Variants in FBXL7 observed in about 807,000 individuals in gnomAD.
FBXL7 encodes F-box and leucine rich repeat protein 7.
A neutral mutation model predicts 38.3 loss-of-function variants in FBXL7; 12 were observed. The ratio of observed to expected loss-of-function variants is 0.31; its 90% CI spans 0.20 to 0.51. FBXL7 has a LOEUF of 0.51. Among genes scored for constraint, FBXL7 ranks in the 20% least tolerant of loss-of-function variants. The pLI is 0.98. For missense variants in FBXL7, 567 were observed against 676.4 expected, an observed-to-expected ratio of 0.84 and a Z score of 1.79; for synonymous variants, 297 against 300.9, an observed-to-expected ratio of 0.99 and a Z score of 0.13.
chr5:15,633,984 T>C (rs1180651303), intron 2 of FBXL7, among the ~76,000 whole-genome samples: 1 of 151,740 alleles, frequency 6.6e-6, no homozygotes, highest in Non-Finnish European at 1.5e-5. Flanking sequence ...TTTTACCATG[T>C]TGGCCAGGCT....
intron 2 of FBXL7, among the ~76,000 whole-genome samples, chr5:15,642,286 A>G (rs1035702839): frequency 7.2e-5 from 11 of 152,132 alleles, no homozygotes; most frequent in African/African-American, 2.7e-4. Flanking sequence ...TCTGTTTGTT[A>G]CAAAACTGAG....
chr5:15,873,394 A>C (rs1740054048), intron 2 of FBXL7, among the ~76,000 whole-genome samples: 1 of 152,106 alleles, frequency 6.6e-6, no homozygotes, highest in African/African-American at 2.4e-5. Flanking sequence ...CCAGCAGAAG[A>C]CAAGAAATAA....
intron 2 of FBXL7, among the ~76,000 whole-genome samples, chr5:15,709,539 AAG>A (rs1743795561): frequency 6.6e-6 from 1 of 150,704 alleles, no homozygotes; most frequent in Non-Finnish European, 1.5e-5. Flanking sequence ...GTCTCAAAAA[AAG>A]AAAAAAAAAA....
chr5:15,797,350 A>T (rs1206595318), intron 2 of FBXL7, among the ~76,000 whole-genome samples: 1 of 152,274 alleles, frequency 6.6e-6, no homozygotes, highest in East Asian at 1.9e-4. Context: ...GTCTCTCTAT[A>T]TAAACATGTG....
At chr5:15,906,504 C>G (rs1741368701) in intron 2 of FBXL7, among the ~76,000 whole-genome samples, 1 of 139,668 alleles carries the variant, frequency 7.2e-6, no homozygotes, top group African/African-American at 3.1e-5. Flanking sequence ...TGTTCAGGAT[C>G]CACAAAAAAT....
chr5:15,936,952 G>A lies in FBXL7; in HGVS notation c.1242G>A (p.Leu414=). 6.2e-6 allele frequency: 10 copies of A among 1,614,054 alleles called. No individual in the cohort carries two copies. The highest frequency in any genetic ancestry group is 8.5e-6 in the Non-Finnish European group (10 of 1,179,896). ...LKSLDIGKCP[L]VSDTGLECLA... is the part of the protein sequence containing the mutation. ...CCCTGGATATCGGCAAATGCCCTTT[G>A]GTATCCGACACGGGCCTGGAGTGCC... The change falls in exon 4 of 4, where the codon TTG becomes TTA. Residue 414 remains leucine, a synonymous_variant. Transcript: ENST00000504595. The surrounding 1 kb of genome is among the most constrained non-coding windows in gnomAD (Gnocchi z 6.0).
At chr5:15,564,728 G>C (rs529838575) in intron 1 of FBXL7, among the ~76,000 whole-genome samples, 3 of 152,032 alleles carry the variant, frequency 2.0e-5, no homozygotes, top group Admixed American at 2.0e-4. Context: ...TTTCAGGAAG[G>C]TTTCCGACAC....
chr5:15,664,256 T>G (rs1486703651), intron 2 of FBXL7, among the ~76,000 whole-genome samples: 1 of 152,116 alleles, frequency 6.6e-6, no homozygotes. Flanking sequence ...CACGCATTTT[T>G]CTCTCTCTCA....
At chr5:15,604,902 C>G (rs1739954658) in intron 1 of FBXL7, among the ~76,000 whole-genome samples, 1 of 152,102 alleles carries the variant, frequency 6.6e-6, no homozygotes, top group African/African-American at 2.4e-5. Flanking sequence ...CCCTAGTCAT[C>G]CACTGGCTGT....
rs556581337 is a variant in FBXL7, at chr5:15,720,970, T to C, written c.127+104898T>C. Reference sequence around the variant, plus strand: ...GTAATTTTTCTTCTATTAGTTTATATTCATAGTACAACTTACTCTGCACAA... The same window carrying C: ...GTAATTTTTCTTCTATTAGTTTATACTCATAGTACAACTTACTCTGCACAA... On this transcript the variant is annotated intron_variant, in intron 2 of 3. Transcript: ENST00000504595. Among the ~76,000 whole-genome samples, 4 of 152,266 alleles carry C rather than the reference T, an allele frequency of 2.6e-5. No individual in the cohort carries two copies. In the South Asian group the frequency reaches 8.3e-4, roughly 32 times the overall value.
chr5:15,893,818 C>G (rs1741008443), intron 2 of FBXL7, among the ~76,000 whole-genome samples: 1 of 152,174 alleles, frequency 6.6e-6, no homozygotes, highest in South Asian at 2.1e-4. Flanking sequence ...CTCTGTTTTA[C>G]CTTGTATTGA....
intron 1 of FBXL7, among the ~76,000 whole-genome samples, chr5:15,542,544 C>G (rs1409749550): frequency 6.6e-6 from 1 of 152,188 alleles, no homozygotes; most frequent in Non-Finnish European, 1.5e-5. Flanking sequence ...CTACTAGGTT[C>G]ATACGATCTT....
At chr5:15,697,501 G>A (rs1743378436) in intron 2 of FBXL7, among the ~76,000 whole-genome samples, 1 of 152,022 alleles carries the variant, frequency 6.6e-6, no homozygotes, top group Admixed American at 6.6e-5. Flanking sequence ...TTGAATAAGT[G>A]CTATGAGATT....
intron 1 of FBXL7, among the ~76,000 whole-genome samples, chr5:15,577,962 G>T (rs1393651999): frequency 6.6e-6 from 1 of 152,166 alleles, no homozygotes; most frequent in African/African-American, 2.4e-5. Context: ...ACATGGAGCT[G>T]TTCTTCTGCA....
intron 2 of FBXL7, among the ~76,000 whole-genome samples, chr5:15,627,007 T>G (rs1369928194): frequency 1.3e-5 from 2 of 151,998 alleles, no homozygotes; most frequent in Non-Finnish European, 2.9e-5. Context: ...CTTAGATGGG[T>G]TTTCTTCTCT....
At chr5:15,866,485 A>G (rs1462577674) in intron 2 of FBXL7, among the ~76,000 whole-genome samples, 2 of 152,134 alleles carry the variant, frequency 1.3e-5, no homozygotes, top group African/African-American at 2.4e-5. Context: ...CTTCTGAGAA[A>G]TTGTTCCTGT....
intron 2 of FBXL7, among the ~76,000 whole-genome samples, chr5:15,703,660 T>G (rs994732049): frequency 3.3e-5 from 5 of 152,164 alleles, no homozygotes; most frequent in African/African-American, 1.2e-4. Flanking sequence ...AGGAATTTCA[T>G]GAAGTCAGAA....
chr5:15,739,030 G>A (rs1735827942), intron 2 of FBXL7, among the ~76,000 whole-genome samples: 1 of 152,180 alleles, frequency 6.6e-6, no homozygotes, highest in Admixed American at 6.5e-5. Flanking sequence ...CATGATATGA[G>A]GTGTCCATTT....
intron 2 of FBXL7, among the ~76,000 whole-genome samples, chr5:15,642,385 C>T (rs1467545055): frequency 6.6e-6 from 1 of 152,180 alleles, no homozygotes; most frequent in African/African-American, 2.4e-5. Context: ...TTCCAAGGGT[C>T]CCAGATTTCA....
Sources: allele counts gnomAD v4.1 joint callset (sites outside exome capture counted in the v4.1 genomes callset), GRCh38; gene constraint gnomAD v4.1.1; non-coding constraint Gnocchi (gnomAD v3.1); transcripts MANE v1.5; gene names NCBI Gene and HGNC (gene_info 2026-07-23, HGNC 2026-07-21).